The following ROBO1 variants were observed in gnomAD, a reference collection of about 807,000 sequenced individuals.
The protein encoded by ROBO1 is roundabout homolog 1.
Under a neutral mutation model 195.9 loss-of-function variants are expected in ROBO1, and 149 were observed. The ratio of observed to expected loss-of-function variants is 0.76; its 90% CI spans 0.67 to 0.87. The LOEUF is 0.87. Ranked by LOEUF, ROBO1 falls within the 40% of genes least tolerant of loss-of-function variation. The pLI is 0.00. For synonymous variants in ROBO1, 816 were observed against 733.2 expected, an observed-to-expected ratio of 1.11 and a Z score of -1.82; for missense variants, 1,933 against 2,068.3, an observed-to-expected ratio of 0.93 and a Z score of 1.27.
intron 3 of ROBO1, among the ~76,000 whole-genome samples, chr3:79,019,987 A>G (rs1471672833): frequency 6.6e-6 from 1 of 152,180 alleles, no homozygotes; most frequent in Non-Finnish European, 1.5e-5. Context: ...CAGTTGTTGA[A>G]GGTCTTGTAG....
chr3:79,703,298 AATT>A (rs1217684221), intron 1 of ROBO1, among the ~76,000 whole-genome samples: 2 of 151,770 alleles, frequency 1.3e-5, no homozygotes, highest in African/African-American at 2.4e-5. Context: ...TTTTCATTTT[AATT>A]ATAATTAATC....
At chr3:79,595,215 T>A (rs1410141885) in intron 1 of ROBO1, among the ~76,000 whole-genome samples, 1 of 151,994 alleles carries the variant, frequency 6.6e-6, no homozygotes, top group African/African-American at 2.4e-5. Flanking sequence ...GGAGGGTGAT[T>A]TTCTCAAAGA....
intron 3 of ROBO1, among the ~76,000 whole-genome samples, chr3:79,065,936 C>G (rs373471275): frequency 1.3e-5 from 2 of 151,820 alleles, no homozygotes; most frequent in South Asian, 2.1e-4. Context: ...TTTTTTAACC[C>G]CCTAAGGAAT....
intron 2 of ROBO1, among the ~76,000 whole-genome samples, chr3:79,145,694 C>G (rs1228552817): frequency 2.6e-5 from 4 of 151,936 alleles, no homozygotes; most frequent in Non-Finnish European, 5.9e-5. Flanking sequence ...GGGGGTCAGA[C>G]AGTGGATTGT....
At chr3:79,257,105 A>G (rs1228967350) in intron 2 of ROBO1, among the ~76,000 whole-genome samples, 1 of 152,168 alleles carries the variant, frequency 6.6e-6, no homozygotes, top group Non-Finnish European at 1.5e-5. Flanking sequence ...CCAGAAAGTA[A>G]GTTTGAAATT....
rs114079764 is a variant in ROBO1 at position 79,742,574 on chromosome 3, C to T, written c.-51+25178G>A. 5.6e-3 allele frequency among the ~76,000 whole-genome samples: 860 copies of T among 152,258 alleles called. 6 individuals carry two copies. Among genetic ancestry groups the T allele is most frequent in the African/African-American group, 0.018 (743 of 41,550 alleles). ...GTGCTTGCTTCCCCTTCACCTTCTG[C>T]CATGATTGTAAATTTCCCGAGGGTT... On this transcript the variant is annotated intron_variant, in intron 1 of 30. Transcript: ENST00000464233.
intron 2 of ROBO1, among the ~76,000 whole-genome samples, chr3:79,555,616 G>A (rs2107688531): frequency 6.6e-6 from 1 of 152,216 alleles, no homozygotes; most frequent in Admixed American, 6.6e-5. Context: ...CATTTTCATA[G>A]GTGCGTGGCC....
At chr3:79,672,500 T>A (rs1407707595) in intron 1 of ROBO1, among the ~76,000 whole-genome samples, 1 of 151,948 alleles carries the variant, frequency 6.6e-6, no homozygotes, top group East Asian at 1.9e-4. Context: ...TCATGTAGGG[T>A]ATACGAATTA....
chr3:79,573,108 G>A (rs1209662640), intron 2 of ROBO1, among the ~76,000 whole-genome samples: 6 of 152,176 alleles, frequency 3.9e-5, no homozygotes, highest in Admixed American at 6.5e-5. Context: ...GGAGTGCAGC[G>A]GCGAGATCAT....
intron 1 of ROBO1, among the ~76,000 whole-genome samples, chr3:79,605,827 G>T (rs1246650691): frequency 6.6e-6 from 1 of 151,668 alleles, no homozygotes; most frequent in Non-Finnish European, 1.5e-5. Flanking sequence ...TGTGACAATT[G>T]TCGCCTAACC....
intron 2 of ROBO1, among the ~76,000 whole-genome samples, chr3:79,323,682 G>A (rs1258992726): frequency 3.3e-5 from 5 of 152,014 alleles, no homozygotes; most frequent in Non-Finnish European, 5.9e-5. Context: ...TTTATAAACC[G>A]ACCGTATCTT....
At chr3:79,000,711 G>A (rs1043446691) in intron 3 of ROBO1, among the ~76,000 whole-genome samples, 1 of 152,134 alleles carries the variant, frequency 6.6e-6, no homozygotes, top group Non-Finnish European at 1.5e-5. Flanking sequence ...AAGACAGTGT[G>A]GTGATTCCTC....
chr3:78,984,319 C>A (rs2108009546), intron 3 of ROBO1, among the ~76,000 whole-genome samples: 1 of 152,232 alleles, frequency 6.6e-6, no homozygotes, highest in East Asian at 1.9e-4. Context: ...TGTGTTATTT[C>A]ATGAGATGAA....
At chr3:79,627,885 A>C (rs1336828980) in intron 1 of ROBO1, among the ~76,000 whole-genome samples, 4 of 152,170 alleles carry the variant, frequency 2.6e-5, no homozygotes, top group Admixed American at 2.6e-4. Flanking sequence ...CAACAAACAT[A>C]TGAAAAAAAG....
intron 3 of ROBO1, among the ~76,000 whole-genome samples, chr3:79,018,224 G>A (rs891718278): frequency 1.3e-4 from 20 of 152,144 alleles, no homozygotes; most frequent in African/African-American, 4.6e-4. Context: ...TTGGGGAGTG[G>A]GGAAAAAGAG....
intron 2 of ROBO1, among the ~76,000 whole-genome samples, chr3:79,570,433 T>G (rs1477765114): frequency 6.6e-6 from 1 of 152,186 alleles, no homozygotes; most frequent in Non-Finnish European, 1.5e-5. Context: ...AAATATTGAT[T>G]GTCATAACAT....
At chr3:79,468,958 G>T (rs1452432780) in intron 2 of ROBO1, among the ~76,000 whole-genome samples, 1 of 152,114 alleles carries the variant, frequency 6.6e-6, no homozygotes, top group African/African-American at 2.4e-5. Flanking sequence ...GTGTTGTGAA[G>T]ACTAAATGAG....
chr3:78,618,982 G>A (rs766657577), intron 26 of ROBO1, among the ~76,000 whole-genome samples: 6 of 152,114 alleles, frequency 3.9e-5, no homozygotes, highest in African/African-American at 1.2e-4. Flanking sequence ...AGCAAGATTC[G>A]TGGAAGGAAG....
intron 1 of ROBO1, among the ~76,000 whole-genome samples, chr3:79,591,056 T>C (rs1421881074): frequency 6.6e-6 from 1 of 151,808 alleles, no homozygotes; most frequent in African/African-American, 2.4e-5. Flanking sequence ...CTGGTAGGAA[T>C]AGACAATAGA....
Sources: allele counts gnomAD v4.1 joint callset (sites outside exome capture counted in the v4.1 genomes callset), GRCh38; gene constraint gnomAD v4.1.1; transcripts MANE v1.5; gene names NCBI Gene and HGNC (gene_info 2026-07-23, HGNC 2026-07-21).